Variants in SMTNL2 observed in about 807,000 individuals in gnomAD.
SMTNL2 encodes smoothelin-like protein 2.
SMTNL2 carries 43 observed loss-of-function variants against 44.1 expected under a neutral mutation model. The ratio of observed to expected loss-of-function variants is 0.98; its 90% CI spans 0.76 to 1.26. The LOEUF is 1.26. Ranked by LOEUF, SMTNL2 falls within the 50% of genes most tolerant of loss-of-function variation. The pLI is 0.00. For synonymous variants in SMTNL2, 317 were observed against 287.6 expected (o/e 1.10, Z -1.03); for missense variants, 646 against 670.2 (o/e 0.96, Z 0.40).
rs139054350 is a variant in SMTNL2, at chr17:4,600,723, C to T, written c.1259+3400C>T. Among the ~76,000 whole-genome samples, 521 of 152,276 alleles carry T rather than the reference C, an allele frequency of 3.4e-3. 6 individuals are homozygous for T. Among genetic ancestry groups the T allele is most frequent in the Middle Eastern group, 6.8e-3 (2 of 294 alleles). On this transcript the variant is annotated intron_variant, in intron 7 of 7. Transcript: ENST00000389313. This position sits in a 1 kb window ranked among gnomAD's most constrained non-coding sequence, Gnocchi z 4.7. ...GCCCCTTTTATGGAAGGGGCTGAGT[C>T]GGGCGGGCGCCTGACCCTTCTGCAC...
intron 1 of SMTNL2, among the ~76,000 whole-genome samples, chr17:4,587,742 G>A (rs1435701022): frequency 1.3e-5 from 2 of 152,218 alleles, no homozygotes; most frequent in Admixed American, 1.3e-4. Context: ...ACTGGGGACT[G>A]AAGGATTGGA....
At chr17:4,603,229 C>A (rs1054120971) in intron 7 of SMTNL2, among the ~76,000 whole-genome samples, 1 of 152,154 alleles carries the variant, frequency 6.6e-6, no homozygotes, top group Non-Finnish European at 1.5e-5. Flanking sequence ...TAGGGAGTGG[C>A]AAGACCTGGT....
Position 4,606,424 on chromosome 17 carries a change from C to CT in SMTNL2, c.1260-924dup, listed in dbSNP as rs75460279. 9.1e-3 allele frequency among the ~76,000 whole-genome samples: 1,300 copies of CT among 143,332 alleles called. 20 individuals are homozygous for CT. The highest frequency in any genetic ancestry group is 0.053 in the East Asian group (259 of 4,910). The allele number at this position is 143,332 out of a possible 152,430, so 94.0% of individuals were successfully genotyped here. ...GGTGTGAGCCACCACATCCAGCCTA[C>CT]TTTTTTTTTTTTTAACTTAAATATA... On this transcript the variant is annotated intron_variant, in intron 7 of 7. Transcript: ENST00000389313.
chr17:4,593,711 C>A, intron 3 of SMTNL2, 111 bp from the exon 4 acceptor site: 1 of 1,066,722 alleles, frequency 9.4e-7, no homozygotes, highest in Non-Finnish European at 1.4e-6. Context: ...GTTAGCTCAT[C>A]CATGCAGCGA....
Position 4,593,101 on chromosome 17 carries a change from T to G in SMTNL2, c.660T>G (p.Ser220=). ...CAGCTGCGGCTCTATCACCCATGTC[T>G]GCTGCCACCCTGGGGGGCCTCAACC... The part of the protein sequence containing the change: ...ETSAAALSPM[S]AATLGGLNPS... Residue 220 remains serine, a synonymous_variant, in exon 3 of 8, where the codon TCT becomes TCG. Coordinates refer to ENST00000389313, the MANE Select transcript of SMTNL2 (RefSeq NM_001114974.2). 6 of 1,613,824 alleles carry G rather than the reference T, an allele frequency of 3.7e-6. No individual in the cohort carries two copies. Among genetic ancestry groups the G allele is most frequent in the Non-Finnish European group, 5.1e-6 (6 of 1,179,926 alleles).
At chr17:4,605,931 G>A (rs562494783) in intron 7 of SMTNL2, among the ~76,000 whole-genome samples, 11 of 152,254 alleles carry the variant, frequency 7.2e-5, no homozygotes, top group South Asian at 2.1e-4. Context: ...TGAGCAGGGC[G>A]ATGCGTCTTG....
chr17:4,584,996 C>T lies in SMTNL2; in HGVS notation c.391C>T (p.Arg131Cys), dbSNP rs983336756. Reference protein sequence around the residue: ...ASHATFSLSGRGQSLDHDEAS... With the variant: ...ASHATFSLSGCGQSLDHDEAS... ...CCACGCCACCTTCTCGCTGTCCGGC[C>T]GCGGCCAGGTGAGCCCGGGGGAGCG... The change falls in exon 1 of 8, where the codon CGC becomes TGC. Residue 131 changes from arginine to cysteine, a missense_variant. Arg to Cys is a radical substitution (Grantham distance 180). Coordinates refer to ENST00000389313, the MANE Select transcript of SMTNL2 (RefSeq NM_001114974.2). The T allele has an allele frequency of 2.3e-5, 31 of 1,362,612 alleles. No homozygotes were observed. Among genetic ancestry groups the T allele is most frequent in the Middle Eastern group, 5.4e-4 (2 of 3,696 alleles). 84.4% of individuals were successfully genotyped at this position (1,362,612 alleles called of 1,614,324 possible).
rs771496227 is a variant in SMTNL2 at position 4,607,491 on chromosome 17, C to T, written c.*4C>T. ...CCACCTGCGTCGCTTCGAGTAAAGC[C>T]CCTGAGCCTGGATTGCCAAAGAGCA... On this transcript the variant is annotated 3_prime_UTR_variant, in exon 8 of 8. Coordinates refer to ENST00000389313, the MANE Select transcript of SMTNL2 (RefSeq NM_001114974.2). This position sits in a 1 kb window ranked among gnomAD's most constrained non-coding sequence, Gnocchi z 4.7. 4.3e-6 allele frequency: 7 copies of T among 1,613,596 alleles called. No homozygotes were observed. In the South Asian group the frequency reaches 7.7e-5, roughly 18 times the overall value.
chr17:4,601,806 C>T (rs1018479156), intron 7 of SMTNL2, among the ~76,000 whole-genome samples: 2 of 152,096 alleles, frequency 1.3e-5, no homozygotes, highest in African/African-American at 4.8e-5. Context: ...AGGCATGAAC[C>T]ACCGCACTTG....
intron 7 of SMTNL2, among the ~76,000 whole-genome samples, chr17:4,601,148 C>A (rs918763842): frequency 7.9e-5 from 12 of 152,186 alleles, no homozygotes; most frequent in African/African-American, 2.7e-4. Flanking sequence ...GTGGCTCATG[C>A]CTGCGATCCA....
Position 4,587,773 on chromosome 17 carries a change from T to C in SMTNL2, c.399+2769T>C, listed in dbSNP as rs1000156122. Among the ~76,000 whole-genome samples, 4 of 152,180 alleles carry C rather than the reference T, an allele frequency of 2.6e-5. No individual in the cohort carries two copies. The South Asian group carries it at 8.3e-4, about 32-fold the overall frequency. On this transcript the variant is annotated intron_variant, in intron 1 of 7. Transcript: ENST00000389313. ...TTGGAGGTAGATTGTCTCCAATATA[T>C]AAATGTCCCCTGAACTCAATACAGG...
At position 4,607,553 on chromosome 17, in the gene SMTNL2, C is replaced by G; in HGVS notation, c.*66C>G. The G allele has an allele frequency of 6.3e-7, 1 of 1,584,550 alleles. No individual in the cohort carries two copies. Among genetic ancestry groups the G allele is most frequent in the Non-Finnish European group, 8.6e-7 (1 of 1,161,318 alleles). ...AGGCCGGGGGTCCGCTTGCGATTCCCCAGCCAGGATGCCCCCAGGAGCCTT... is the reference window on the plus strand; with the variant it reads ...AGGCCGGGGGTCCGCTTGCGATTCCGCAGCCAGGATGCCCCCAGGAGCCTT... On this transcript the variant is annotated 3_prime_UTR_variant, in exon 8 of 8. Transcript: ENST00000389313. The surrounding 1 kb of genome is among the most constrained non-coding windows in gnomAD (Gnocchi z 4.7).
At position 4,592,580 on chromosome 17, in the gene SMTNL2, G is replaced by A; in HGVS notation, c.487+132G>A. 1.2e-6 allele frequency: 1 copy of A among 820,050 alleles called. No homozygotes were observed. The highest frequency in any genetic ancestry group is 1.9e-6 in the Non-Finnish European group (1 of 531,822). The allele number at this position is 820,050 out of a possible 1,614,324, so 50.8% of individuals were successfully genotyped here. On this transcript the variant is annotated intron_variant, in intron 2 of 7. Coordinates refer to ENST00000389313, the MANE Select transcript of SMTNL2 (RefSeq NM_001114974.2). The surrounding 1 kb of genome is among the most constrained non-coding windows in gnomAD (Gnocchi z 4.5). Reference sequence around the variant, plus strand: ...TCTATCCTGAACCCCAGCAGGGAGAGAGGCTGCCAGGAGAGCAGCGTCATT... The same window carrying A: ...TCTATCCTGAACCCCAGCAGGGAGAAAGGCTGCCAGGAGAGCAGCGTCATT...
chr17:4,607,686 A>G lies in SMTNL2; in HGVS notation c.*199A>G, dbSNP rs1461848128. 2.5e-6 allele frequency: 2 copies of G among 795,218 alleles called. No individual in the cohort carries two copies. The highest frequency in any genetic ancestry group is 3.5e-5 in the African/African-American group (2 of 57,200). 49.3% of individuals were successfully genotyped at this position (795,218 alleles called of 1,614,324 possible). On this transcript the variant is annotated 3_prime_UTR_variant, in exon 8 of 8. Transcript: ENST00000389313. This position sits in a 1 kb window ranked among gnomAD's most constrained non-coding sequence, Gnocchi z 4.7. ...TACTGCTGAGCTGTGGTCCGACAGC[A>G]CTGATCACAGCCAAGGGCTTGGAGG... is the stretch of plus-strand genomic sequence containing the variant.
intron 1 of SMTNL2, among the ~76,000 whole-genome samples, chr17:4,591,433 C>T (rs930531950): frequency 1.3e-5 from 2 of 152,202 alleles, no homozygotes; most frequent in African/African-American, 4.8e-5. Flanking sequence ...GGACTTCTCC[C>T]CTGGCCACAC....
At chr17:4,606,329 T>C (rs1910277756) in intron 7 of SMTNL2, among the ~76,000 whole-genome samples, 1 of 151,656 alleles carries the variant, frequency 6.6e-6, no homozygotes, top group African/African-American at 2.4e-5. Context: ...ACCATATTGG[T>C]CAGGCTGGTC....
At chr17:4,593,763 C>A in intron 3 of SMTNL2, 59 bp from the exon 4 acceptor site, 1 of 1,535,746 alleles carries the variant, frequency 6.5e-7, no homozygotes, top group Non-Finnish European at 8.9e-7. Flanking sequence ...GGAAGGGAGG[C>A]TATGGCGGGC....
chr17:4,601,121 G>A (rs1204728538), intron 7 of SMTNL2, among the ~76,000 whole-genome samples: 5 of 152,210 alleles, frequency 3.3e-5, no homozygotes, highest in Non-Finnish European at 7.3e-5. Flanking sequence ...AATGGTCGTC[G>A]GGATTGGCCG....
intron 1 of SMTNL2, among the ~76,000 whole-genome samples, chr17:4,586,814 G>A (rs1311261087): frequency 6.6e-6 from 1 of 152,168 alleles, no homozygotes. Context: ...GAGGGGGAAT[G>A]AGCAGATGGG....
Sources: gnomAD v4.1 joint callset for allele counts (sites outside exome capture counted in the v4.1 genomes callset) on GRCh38, gnomAD v4.1.1 for gene constraint, Gnocchi (gnomAD v3.1) non-coding constraint, MANE v1.5 for transcripts, NCBI Gene and HGNC (gene_info 2026-07-23, HGNC 2026-07-21) for gene names.